Variants in RTF2 observed in about 807,000 individuals in gnomAD.
The protein encoded by RTF2 is UPF0549 protein C20orf43.
RTF2 carries 18 observed loss-of-function variants against 38.0 expected under a neutral mutation model. The observed-to-expected ratio is 0.47, with a 90% CI of 0.33 to 0.70. The LOEUF is 0.70. Ranked by LOEUF, RTF2 falls within the 30% of genes least tolerant of loss-of-function variation. The pLI is 0.02. For synonymous variants in RTF2, 126 were observed against 137.1 expected (o/e 0.92, Z 0.57); for missense variants, 311 against 379.6 (o/e 0.82, Z 1.50).
intron 5 of RTF2, chr20:56,497,366 A>G (rs199688617): frequency 3.1e-5 from 48 of 1,549,972 alleles, no homozygotes; most frequent in Non-Finnish European, 4.1e-5. Context: ...GTGTGTGTAA[A>G]TGAGCATGTA....
chr20:56,505,310 A>G (rs747656071), intron 5 of RTF2, among the ~76,000 whole-genome samples: 18 of 151,064 alleles, frequency 1.2e-4, no homozygotes, highest in Non-Finnish European at 2.4e-4. Context: ...ACATAGCAAG[A>G]CCCCGTCTCT....
chr20:56,516,996 T>G lies in RTF2; in HGVS notation c.646+7T>G. 2.5e-6 allele frequency: 4 copies of G among 1,612,208 alleles called. No individual in the cohort carries two copies. The highest frequency in any genetic ancestry group is 3.4e-6 in the Non-Finnish European group (4 of 1,178,232). On this transcript the variant is annotated splice_region_variant and intron_variant, in intron 7 of 8. Transcript: ENST00000357348. ...AAACCAGATGTCAGTGAAGGTAAGA[T>G]CCTTCAAGAGATCCTTATTTTAGCA...
intron 5 of RTF2, chr20:56,497,460 T>C: frequency 6.6e-7 from 1 of 1,524,930 alleles, no homozygotes; most frequent in South Asian, 1.2e-5. Flanking sequence ...ACACAGTTCA[T>C]CTGGGTAAAA....
At chr20:56,487,442 G>A (rs917442371) in intron 5 of RTF2, among the ~76,000 whole-genome samples, 7 of 152,300 alleles carry the variant, frequency 4.6e-5, no homozygotes, top group African/African-American at 1.2e-4. Context: ...AGGAGCGAGC[G>A]TAGGCTCCTC....
At chr20:56,490,588 G>A (rs1568698483) in intron 5 of RTF2, among the ~76,000 whole-genome samples, 1 of 152,236 alleles carries the variant, frequency 6.6e-6, no homozygotes, top group African/African-American at 2.4e-5. Context: ...GCCAAGGCAG[G>A]CGGATCACCT....
chr20:56,510,261 A>G (rs1265670416), intron 5 of RTF2, among the ~76,000 whole-genome samples: 1 of 152,204 alleles, frequency 6.6e-6, no homozygotes, highest in East Asian at 1.9e-4. Flanking sequence ...CCTGTTTTTT[A>G]AAAAGGCGAG....
chr20:56,472,414 A>G (rs1378363149), intron 1 of RTF2: 3 of 1,525,906 alleles, frequency 2.0e-6, no homozygotes, highest in Non-Finnish European at 2.7e-6. Flanking sequence ...ATGGAATATG[A>G]TGTATGTGAA....
At chr20:56,494,386 G>A (rs1015586815) in intron 5 of RTF2, among the ~76,000 whole-genome samples, 1 of 152,116 alleles carries the variant, frequency 6.6e-6, no homozygotes, top group East Asian at 1.9e-4. Context: ...AACCCTTTAT[G>A]ACTTCTTATA....
chr20:56,473,363 A>T lies in RTF2; in HGVS notation c.132A>T (p.Leu44Phe). ...ATTGTACTCTAAGTCAGGAAATATTAAGACGACCAATAGTTGCCTGTGAAC... is the reference window on the plus strand; with the variant it reads ...ATTGTACTCTAAGTCAGGAAATATTTAGACGACCAATAGTTGCCTGTGAAC... ...WNYCTLSQEILRRPIVACELG... is the reference protein window; with the variant it reads ...WNYCTLSQEIFRRPIVACELG... Residue 44 changes from leucine (L) to phenylalanine (F), a missense_variant, in exon 2 of 9, where the codon TTA becomes TTT. Transcript: ENST00000357348. 1 of 1,613,622 alleles carries T rather than the reference A, an allele frequency of 6.2e-7. No individual in the cohort carries two copies. Among genetic ancestry groups the T allele is most frequent in the Non-Finnish European group, 8.5e-7 (1 of 1,179,572 alleles).
chr20:56,506,227 C>T (rs541728986), intron 5 of RTF2, among the ~76,000 whole-genome samples: 20 of 152,306 alleles, frequency 1.3e-4, no homozygotes, highest in African/African-American at 4.6e-4. Flanking sequence ...CAAAATGCTT[C>T]CTGCTTGGGG....
At chr20:56,472,912 G>C (rs1480002906) in intron 1 of RTF2, among the ~76,000 whole-genome samples, 1 of 152,126 alleles carries the variant, frequency 6.6e-6, no homozygotes, top group East Asian at 1.9e-4. Flanking sequence ...GGCTGAGATG[G>C]GCGGATCATT....
rs971246710 is a variant in RTF2 at position 56,473,094 on chromosome 20, A to G, written c.70-207A>G. ...TGCAGTGAGTGAAGATTGCGCCACT[A>G]CACTCCAGCCTGGGCAACAGAGTGA... On this transcript the variant is annotated intron_variant, in intron 1 of 8. Coordinates refer to ENST00000357348, the MANE Select transcript of RTF2 (RefSeq NM_016407.5). Among the ~76,000 whole-genome samples the G allele has an allele frequency of 2.0e-5, 3 of 152,220 alleles. 1 individual carries two copies. Among genetic ancestry groups the G allele is most frequent in the African/African-American group, 2.4e-5 (1 of 41,528 alleles).
intron 5 of RTF2, chr20:56,496,845 C>T (rs1156534603): frequency 6.4e-7 from 1 of 1,551,598 alleles, no homozygotes; most frequent in Non-Finnish European, 8.7e-7. Context: ...ATAGATACTT[C>T]CTTTAGGAAC....
Position 56,477,114 on chromosome 20 carries a change from G to A in RTF2, c.388G>A (p.Gly130Ser), listed in dbSNP as rs1982292750. 3 of 1,613,692 alleles carry A rather than the reference G, an allele frequency of 1.9e-6. 1 individual carries two copies. Among genetic ancestry groups the A allele is most frequent in the South Asian group, 2.2e-5 (2 of 91,022 alleles). ...ICPVVGLEMN[G>S]RHRFCFLRCC... is the part of the protein sequence containing the mutation. ...CCCCGTTGTGGGCCTGGAGATGAAC[G>A]GCCGACACAGGTTAGTGACGGACCT... The change falls in exon 4 of 9, where the codon GGC (glycine) becomes AGC (serine). Residue 130 changes from glycine to serine, a missense_variant. By Grantham distance (56) the Gly-to-Ser change is moderately conservative. Transcript: ENST00000357348.
Position 56,508,929 on chromosome 20 carries a change from G to C in RTF2, c.478-4386G>C, listed in dbSNP as rs567139199. Among the ~76,000 whole-genome samples the C allele has an allele frequency of 2.0e-5, 3 of 152,272 alleles. No homozygotes were observed. The South Asian group carries it at 6.2e-4, about 32-fold the overall frequency. On this transcript the variant is annotated intron_variant, in intron 5 of 8. Coordinates refer to ENST00000357348, the MANE Select transcript of RTF2 (RefSeq NM_016407.5). Reference sequence around the variant, plus strand: ...TAGTTACAAACCACTTAGGAGAAACGCAGGAGTAAATCACAATCTTGGGTT... The same window carrying C: ...TAGTTACAAACCACTTAGGAGAAACCCAGGAGTAAATCACAATCTTGGGTT...
At chr20:56,517,584 C>T (rs932361807) in intron 8 of RTF2, among the ~76,000 whole-genome samples, 2 of 152,212 alleles carry the variant, frequency 1.3e-5, no homozygotes, top group Admixed American at 6.5e-5. Flanking sequence ...ATGGGCTCCA[C>T]GTGTGGCTCT....
intron 2 of RTF2, 66 bp from the exon 3 acceptor site, chr20:56,474,612 A>C (rs1982142870): frequency 3.0e-6 from 3 of 1,007,920 alleles, no homozygotes; most frequent in Non-Finnish European, 2.9e-6. Context: ...TGTTCAGTTT[A>C]TTCTTCCTTC....
Position 56,497,698 on chromosome 20 carries a change from G to A in RTF2, c.477+13509G>A. ...AAGAACAACAGATACAATTTAGGGT[G>A]TTGTAATTCTCCCCCCCAACTTTAT... is the stretch of plus-strand genomic sequence containing the variant. On this transcript the variant is annotated intron_variant, in intron 5 of 8. Coordinates refer to ENST00000357348, the MANE Select transcript of RTF2 (RefSeq NM_016407.5). 4 of 976,132 alleles carry A rather than the reference G, an allele frequency of 4.1e-6. No individual in the cohort carries two copies. The South Asian group carries it at 5.1e-5, about 12-fold the overall frequency. The allele number at this position is 976,132 out of a possible 1,614,324, so 60.5% of individuals were successfully genotyped here.
At chr20:56,498,597 T>C (rs888721761) in intron 5 of RTF2, among the ~76,000 whole-genome samples, 4 of 152,336 alleles carry the variant, frequency 2.6e-5, no homozygotes, top group South Asian at 2.1e-4. Context: ...TGTAGTTGTT[T>C]GTCTTGAGTC....
Sources: allele counts gnomAD v4.1 joint callset (sites outside exome capture counted in the v4.1 genomes callset), GRCh38; gene constraint gnomAD v4.1.1; transcripts MANE v1.5; gene names NCBI Gene and HGNC (gene_info 2026-07-23, HGNC 2026-07-21).